NXPH1: variants seen among roughly 807,000 people sequenced by gnomAD.
NXPH1 encodes neurexophilin-1.
Under a neutral mutation model 23.7 loss-of-function variants are expected in NXPH1, and 5 were observed. The ratio of observed to expected loss-of-function variants is 0.21; its 90% confidence interval spans 0.11 to 0.44. NXPH1 has a LOEUF of 0.44. Ranked by LOEUF, NXPH1 falls within the 20% of genes least tolerant of loss-of-function variation. NXPH1 has a pLI of 0.99. For missense variants in NXPH1, 324 were observed against 321.6 expected (o/e 1.01, Z -0.06); for synonymous variants, 144 against 122.2 (o/e 1.18, Z -1.18).
At chr7:8,630,773 T>G (rs1360307473) in intron 2 of NXPH1, among the ~76,000 whole-genome samples, 1 of 152,166 alleles carries the variant, frequency 6.6e-6, no homozygotes, top group Non-Finnish European at 1.5e-5. Context: ...TTTTTCTCCT[T>G]TTTTAACTTT....
At chr7:8,531,900 G>T (rs1324977382) in intron 2 of NXPH1, among the ~76,000 whole-genome samples, 4 of 152,132 alleles carry the variant, frequency 2.6e-5, no homozygotes, top group Admixed American at 6.5e-5. Flanking sequence ...CTCACATATG[G>T]TTGGATCTTA....
intron 2 of NXPH1, among the ~76,000 whole-genome samples, chr7:8,722,486 C>G (rs1779985234): frequency 6.6e-6 from 1 of 152,166 alleles, no homozygotes; most frequent in Non-Finnish European, 1.5e-5. Context: ...GATCTGTGCA[C>G]AAGTTTGTGT....
intron 2 of NXPH1, among the ~76,000 whole-genome samples, chr7:8,714,715 G>T (rs1449371775): frequency 6.6e-6 from 1 of 152,118 alleles, no homozygotes; most frequent in Admixed American, 6.5e-5. Flanking sequence ...TTCTGGCCTA[G>T]GTTGTATCTA....
chr7:8,663,891 C>T (rs1820719244), intron 2 of NXPH1, among the ~76,000 whole-genome samples: 1 of 152,044 alleles, frequency 6.6e-6, no homozygotes, highest in Non-Finnish European at 1.5e-5. Context: ...TATTTCTTCT[C>T]AAAGGTCTTG....
intron 2 of NXPH1, among the ~76,000 whole-genome samples, chr7:8,475,025 C>T (rs1816945364): frequency 6.6e-6 from 1 of 152,156 alleles, no homozygotes; most frequent in African/African-American, 2.4e-5. Context: ...ATCACCCCTA[C>T]TTGTGGGAGG....
intron 2 of NXPH1, among the ~76,000 whole-genome samples, chr7:8,472,280 A>G (rs1816882796): frequency 1.3e-5 from 2 of 152,190 alleles, no homozygotes; most frequent in South Asian, 4.1e-4. Context: ...TCTGTATAAT[A>G]AGAGACTGCA....
At chr7:8,446,663 A>G (rs1816409267) in intron 2 of NXPH1, among the ~76,000 whole-genome samples, 1 of 152,168 alleles carries the variant, frequency 6.6e-6, no homozygotes, top group Non-Finnish European at 1.5e-5. Context: ...TTCTTCCTCC[A>G]AACAGAAATT....
intron 2 of NXPH1, among the ~76,000 whole-genome samples, chr7:8,464,532 T>G (rs1161248931): frequency 6.6e-6 from 1 of 152,146 alleles, no homozygotes; most frequent in African/African-American, 2.4e-5. Context: ...ATCAATCTTT[T>G]GTCTGCTCCC....
At chr7:8,573,987 C>A (rs1396843824) in intron 2 of NXPH1, among the ~76,000 whole-genome samples, 1 of 152,064 alleles carries the variant, frequency 6.6e-6, no homozygotes, top group Non-Finnish European at 1.5e-5. Flanking sequence ...TGGTGGTATA[C>A]AGAACTGTGA....
intron 2 of NXPH1, among the ~76,000 whole-genome samples, chr7:8,514,794 C>T (rs1032417876): frequency 1.3e-5 from 2 of 152,148 alleles, no homozygotes; most frequent in African/African-American, 4.8e-5. Context: ...ATCTCCACTC[C>T]ACTTCCTGCC....
At chr7:8,541,715 G>T (rs1818119611) in intron 2 of NXPH1, among the ~76,000 whole-genome samples, 1 of 151,458 alleles carries the variant, frequency 6.6e-6, no homozygotes, top group African/African-American at 2.4e-5. Flanking sequence ...GGCAGTAAAA[G>T]CACAAATGCC....
chr7:8,641,894 C>T (rs998090860), intron 2 of NXPH1, among the ~76,000 whole-genome samples: 3 of 152,162 alleles, frequency 2.0e-5, no homozygotes, highest in African/African-American at 7.2e-5. Flanking sequence ...ATCCTCTTCA[C>T]TCAATGAATG....
At chr7:8,728,258 T>A (rs1780090098) in intron 2 of NXPH1, among the ~76,000 whole-genome samples, 4 of 152,236 alleles carry the variant, frequency 2.6e-5, no homozygotes, top group Admixed American at 2.0e-4. Context: ...TGGGGTTTCC[T>A]AGATCTACAG....
intron 2 of NXPH1, among the ~76,000 whole-genome samples, chr7:8,502,298 T>G (rs1243525374): frequency 6.6e-6 from 1 of 151,998 alleles, no homozygotes; most frequent in Non-Finnish European, 1.5e-5. Context: ...AAATATTAGT[T>G]TTTCTTTTCC....
At chr7:8,473,857 C>T (rs1157189307) in intron 2 of NXPH1, among the ~76,000 whole-genome samples, 1 of 151,998 alleles carries the variant, frequency 6.6e-6, no homozygotes, top group East Asian at 1.9e-4. Flanking sequence ...CCCCAAAGAA[C>T]CGACGGTTTC....
intron 2 of NXPH1, among the ~76,000 whole-genome samples, chr7:8,652,761 C>A (rs933135984): frequency 1.3e-5 from 2 of 152,114 alleles, no homozygotes; most frequent in Admixed American, 1.3e-4. Context: ...AGAGGTGATG[C>A]TTTTTATCCT....
At chr7:8,586,110 A>G (rs1232777241) in intron 2 of NXPH1, among the ~76,000 whole-genome samples, 1 of 152,198 alleles carries the variant, frequency 6.6e-6, no homozygotes, top group African/African-American at 2.4e-5. Flanking sequence ...CATCATGAAC[A>G]CACCGTATCT....
In NXPH1 at chr7:8,639,133, T is replaced by C. The variant is rs180871458; in HGVS notation, c.55-111875T>C. On this transcript the variant is annotated intron_variant, in intron 2 of 2. Transcript: ENST00000405863. ...CAAATAAAATTGATAACAGAATTAC[T>C]AAAAAATCATATAAACTAATAAGGA... is the stretch of plus-strand genomic sequence containing the variant. Among the ~76,000 whole-genome samples, 518 of 152,306 alleles carry C rather than the reference T, an allele frequency of 3.4e-3. 5 individuals are homozygous for C. Among genetic ancestry groups the C allele is most frequent in the Non-Finnish European group, 3.5e-3 (240 of 68,022 alleles).
chr7:8,437,303 G>C (rs140865337), intron 2 of NXPH1, among the ~76,000 whole-genome samples: 2 of 150,546 alleles, frequency 1.3e-5, no homozygotes, highest in Non-Finnish European at 3.0e-5. Context: ...GACATTGAGA[G>C]ACCATGGATG....
Sources: allele counts gnomAD v4.1 joint callset (sites outside exome capture counted in the v4.1 genomes callset), GRCh38; gene constraint gnomAD v4.1.1; transcripts MANE v1.5; gene names NCBI Gene and HGNC (gene_info 2026-07-23, HGNC 2026-07-21).